Variants in KCND2 observed in about 807,000 individuals in gnomAD.
KCND2 encodes A-type voltage-gated potassium channel KCND2.
Under a neutral mutation model 54.4 loss-of-function variants are expected in KCND2, and 16 were observed. The observed-to-expected ratio is 0.29, with a 90% CI of 0.20 to 0.45. The LOEUF is 0.45. Among genes scored for constraint, KCND2 ranks in the 20% least tolerant of loss-of-function variants. The pLI, the probability that KCND2 is intolerant of heterozygous loss-of-function variation, is 1.00. For synonymous variants in KCND2, 317 were observed against 310.7 expected (o/e 1.02, Z -0.21); for missense variants, 486 against 824.2 (o/e 0.59, Z 5.02).
chr7:120,529,924 T>A (rs902472838), intron 1 of KCND2, among the ~76,000 whole-genome samples: 4 of 151,880 alleles, frequency 2.6e-5, no homozygotes, highest in Non-Finnish European at 4.4e-5. Context: ...TCTAAAAAAA[T>A]TTAAAAATTA....
chr7:120,674,757 T>A (rs1359790512), intron 1 of KCND2, among the ~76,000 whole-genome samples: 1 of 152,236 alleles, frequency 6.6e-6, no homozygotes, highest in Admixed American at 6.5e-5. Context: ...GTCAAACACA[T>A]GTGCCCATAA....
chr7:120,484,131 G>A (rs1480126946), intron 1 of KCND2, among the ~76,000 whole-genome samples: 1 of 152,144 alleles, frequency 6.6e-6, no homozygotes, highest in Non-Finnish European at 1.5e-5. Context: ...TGAGATTTAA[G>A]TGTGAGAAGG....
chr7:120,725,120 A>C (rs1226482698), intron 1 of KCND2, among the ~76,000 whole-genome samples: 1 of 152,186 alleles, frequency 6.6e-6, no homozygotes, highest in Non-Finnish European at 1.5e-5. Flanking sequence ...AGCACAAGCT[A>C]AAGAACGCAG....
chr7:120,747,468 C>A (rs1207434863), intron 5 of KCND2, among the ~76,000 whole-genome samples: 1 of 151,926 alleles, frequency 6.6e-6, no homozygotes, highest in African/African-American at 2.4e-5. Context: ...TTGATGGAAC[C>A]AAGTCAAACT....
At chr7:120,295,758 A>T (rs1799504073) in intron 1 of KCND2, among the ~76,000 whole-genome samples, 1 of 152,058 alleles carries the variant, frequency 6.6e-6, no homozygotes, top group Non-Finnish European at 1.5e-5. Context: ...CAGAAACTTT[A>T]TGAATTAAGT....
rs567051070 is a variant in KCND2 at position 120,426,493 on chromosome 7, C to A, written c.1115+150746C>A. 3.3e-5 allele frequency among the ~76,000 whole-genome samples: 5 copies of A among 152,006 alleles called. No individual in the cohort carries two copies. In the South Asian group the frequency reaches 6.2e-4, roughly 19 times the overall value. On this transcript the variant is annotated intron_variant, in intron 1 of 5. Transcript: ENST00000331113. ...AAGCTAAATTAAAATGTTTAAACCACATTTCCACATTTTCTTCCTGCCACC... is the reference window on the plus strand; with the variant it reads ...AAGCTAAATTAAAATGTTTAAACCAAATTTCCACATTTTCTTCCTGCCACC...
chr7:120,393,503 A>G (rs2116058109), intron 1 of KCND2, among the ~76,000 whole-genome samples: 1 of 152,096 alleles, frequency 6.6e-6, no homozygotes, highest in African/African-American at 2.4e-5. Context: ...ACTGTTTTAA[A>G]GTTTTATGTG....
intron 1 of KCND2, among the ~76,000 whole-genome samples, chr7:120,574,304 C>T (rs1383834946): frequency 6.6e-6 from 1 of 152,062 alleles, no homozygotes; most frequent in Admixed American, 6.6e-5. Flanking sequence ...GTGTCTTTGA[C>T]CATGCAATGA....
intron 4 of KCND2, among the ~76,000 whole-genome samples, chr7:120,745,513 A>C (rs1445274497): frequency 1.3e-5 from 2 of 152,040 alleles, no homozygotes; most frequent in Non-Finnish European, 2.9e-5. Context: ...TAAATAAATA[A>C]ATGATATTTC....
chr7:120,310,947 A>G lies in KCND2; in HGVS notation c.1115+35200A>G, dbSNP rs969960274. ...GGAGACTCTGTCCAAAAAAAAAAAAAAAAGAAAGAAAGAAAAGAAAACTCT... is the reference window on the plus strand; with the variant it reads ...GGAGACTCTGTCCAAAAAAAAAAAAGAAAGAAAGAAAGAAAAGAAAACTCT... On this transcript the variant is annotated intron_variant, in intron 1 of 5. Coordinates refer to ENST00000331113, the MANE Select transcript of KCND2 (RefSeq NM_012281.3). 3.4e-4 allele frequency among the ~76,000 whole-genome samples: 51 copies of G among 151,854 alleles called. 1 individual carries two copies. The highest frequency in any genetic ancestry group is 9.7e-4 in the East Asian group (5 of 5,178).
intron 1 of KCND2, among the ~76,000 whole-genome samples, chr7:120,659,327 T>G (rs911619559): frequency 2.0e-5 from 3 of 151,998 alleles, no homozygotes; most frequent in Admixed American, 6.6e-5. Context: ...AGGGGAGAGC[T>G]CCCTCTTCCA....
At chr7:120,333,914 C>G (rs1800106043) in intron 1 of KCND2, among the ~76,000 whole-genome samples, 1 of 151,972 alleles carries the variant, frequency 6.6e-6, no homozygotes. Flanking sequence ...CAATATGTGA[C>G]TACATTTTTT....
chr7:120,310,950 AG>A (rs1799727936), intron 1 of KCND2, among the ~76,000 whole-genome samples: 1 of 151,310 alleles, frequency 6.6e-6, no homozygotes, highest in Non-Finnish European at 1.5e-5. Flanking sequence ...AAAAAAAAAA[AG>A]AAAGAAAGAA....
chr7:120,282,310 T>A (rs1799277970), intron 1 of KCND2, among the ~76,000 whole-genome samples: 1 of 152,080 alleles, frequency 6.6e-6, no homozygotes, highest in African/African-American at 2.4e-5. Flanking sequence ...GTTTTCTCAT[T>A]TATGCATAAA....
intron 1 of KCND2, among the ~76,000 whole-genome samples, chr7:120,576,966 G>A (rs1792442795): frequency 6.6e-6 from 1 of 152,142 alleles, no homozygotes; most frequent in African/African-American, 2.4e-5. Flanking sequence ...GGGCAACACA[G>A]TGAAACTCCA....
chr7:120,712,814 T>A (rs2116073355), intron 1 of KCND2, among the ~76,000 whole-genome samples: 1 of 152,304 alleles, frequency 6.6e-6, no homozygotes, highest in African/African-American at 2.4e-5. Context: ...ATGTGTAACC[T>A]ATCCCGATTT....
chr7:120,398,958 C>G (rs1432268433), intron 1 of KCND2, among the ~76,000 whole-genome samples: 2 of 151,904 alleles, frequency 1.3e-5, no homozygotes, highest in African/African-American at 4.8e-5. Context: ...TGTTACGCTG[C>G]CCAGTTCTCT....
At chr7:120,380,423 C>G (rs1032926796) in intron 1 of KCND2, among the ~76,000 whole-genome samples, 1 of 151,874 alleles carries the variant, frequency 6.6e-6, no homozygotes, top group African/African-American at 2.4e-5. Flanking sequence ...TGAACTGGAA[C>G]CTGACAACTG....
chr7:120,418,423 G>A (rs951128212), intron 1 of KCND2, among the ~76,000 whole-genome samples: 4 of 152,214 alleles, frequency 2.6e-5, no homozygotes, highest in Admixed American at 2.6e-4. Flanking sequence ...TGAAAATGTG[G>A]CTCAAGTATA....
Sources: allele counts gnomAD v4.1 joint callset (sites outside exome capture counted in the v4.1 genomes callset), GRCh38; gene constraint gnomAD v4.1.1; transcripts MANE v1.5; gene names NCBI Gene and HGNC (gene_info 2026-07-23, HGNC 2026-07-21).